The following TTC8 variants were observed in gnomAD, a reference collection of about 807,000 sequenced individuals.
The protein encoded by TTC8 is tetratricopeptide repeat protein 8.
TTC8 carries 47 observed loss-of-function variants against 72.5 expected under a neutral mutation model. That is an observed-to-expected ratio of 0.65 (90% confidence interval 0.51 to 0.83). The LOEUF is 0.83. Among genes scored for constraint, TTC8 ranks in the 40% least tolerant of loss-of-function variants. The probability of loss-of-function intolerance (pLI) is 0.00; values close to 1 mark genes in which losing one functional copy is unlikely to be tolerated. For synonymous variants in TTC8, 199 were observed against 221.4 expected, an observed-to-expected ratio of 0.90 and a Z score of 0.90; for missense variants, 611 against 623.2, an observed-to-expected ratio of 0.98 and a Z score of 0.21.
intron 7 of TTC8, 38 bp downstream of exon 7, chr14:88,843,888 T>C (rs1252807654): frequency 1.4e-6 from 2 of 1,426,760 alleles, no homozygotes; most frequent in East Asian, 4.7e-5. Context: ...TTTATTGTAA[T>C]TTTTCTGACT....
intron 10 of TTC8, among the ~76,000 whole-genome samples, chr14:88,865,862 A>T (rs568492523): frequency 3.3e-5 from 5 of 152,196 alleles, no homozygotes; most frequent in Admixed American, 6.5e-5. Flanking sequence ...GAACTAGTAA[A>T]ATTTAAACAA....
chr14:88,845,819 AACAG>A (rs774866960), intron 7 of TTC8, among the ~76,000 whole-genome samples: 15 of 152,216 alleles, frequency 9.9e-5, no homozygotes, highest in Non-Finnish European at 2.1e-4. Flanking sequence ...CACACAGTGA[AACAG>A]ACAGACAAAG....
At chr14:88,870,513 C>T (rs577751530) in intron 11 of TTC8, among the ~76,000 whole-genome samples, 17 of 152,198 alleles carry the variant, frequency 1.1e-4, no homozygotes, top group Non-Finnish European at 2.1e-4. Context: ...TCATTGCCTC[C>T]GTTAATACCA....
chr14:88,850,750 CA>C, intron 7 of TTC8, among the ~76,000 whole-genome samples: 1 of 152,258 alleles, frequency 6.6e-6, no homozygotes, highest in African/African-American at 2.4e-5. Context: ...ACAGAAAAAC[CA>C]AATTCTGTCA....
intron 10 of TTC8, among the ~76,000 whole-genome samples, chr14:88,867,663 C>T (rs527279083): frequency 1.1e-4 from 16 of 152,256 alleles, no homozygotes; most frequent in East Asian, 5.8e-4. Flanking sequence ...AACCTACATA[C>T]GAGGTTGTCA....
chr14:88,870,094 C>T lies in TTC8; in HGVS notation c.945C>T (p.Tyr315=), dbSNP rs761368781. ...ATATGTCATCAGCAGCAGAATATTA[C>T]AAAGAAGTTTTGAAACAAGACAATA... is the stretch of plus-strand genomic sequence containing the variant. ...MNNMSSAAEY[Y]KEVLKQDNTH... is the part of the protein sequence containing the mutation. Residue 315 remains tyrosine (Y), a synonymous_variant, in exon 11 of 15, where the codon TAC becomes TAT. Coordinates refer to ENST00000380656, the MANE Select transcript of TTC8 (RefSeq NM_144596.4). The T allele has an allele frequency of 1.9e-6, 3 of 1,613,938 alleles. No individual in the cohort carries two copies. Among genetic ancestry groups the T allele is most frequent in the Non-Finnish European group, 2.5e-6 (3 of 1,179,910 alleles).
chr14:88,855,070 C>G (rs1251399963), intron 8 of TTC8, among the ~76,000 whole-genome samples: 1 of 152,108 alleles, frequency 6.6e-6, no homozygotes, highest in Non-Finnish European at 1.5e-5. Context: ...TATGTACTTA[C>G]GTTCATGGTT....
At chr14:88,853,151 A>C in intron 8 of TTC8, 95 bp downstream of exon 8, 1 of 856,736 alleles carries the variant, frequency 1.2e-6, no homozygotes, top group East Asian at 2.7e-5. Context: ...TTTCCCATGA[A>C]GAAATGAGAA....
intron 2 of TTC8, among the ~76,000 whole-genome samples, chr14:88,836,447 CACCACT>C (rs1014875546): frequency 6.7e-6 from 1 of 149,416 alleles, no homozygotes; most frequent in African/African-American, 2.5e-5. Context: ...GTTGAGGCTG[CACCACT>C]ACATTCCAGC....
intron 10 of TTC8, among the ~76,000 whole-genome samples, chr14:88,863,005 T>C (rs1329609823): frequency 7.3e-6 from 1 of 137,316 alleles, no homozygotes; most frequent in African/African-American, 2.7e-5. Flanking sequence ...ATTGTAGGAT[T>C]GGCCTATCAA....
At chr14:88,870,266 G>A in intron 11 of TTC8, 68 bp downstream of exon 11, 1 of 1,540,798 alleles carries the variant, frequency 6.5e-7, no homozygotes, top group Non-Finnish European at 9.0e-7. Flanking sequence ...AAGAAAGATG[G>A]AATGAAAGTA....
downstream of TTC8, chr14:88,880,218 C>A (rs1182633935): frequency 6.6e-6 from 1 of 152,086 alleles, no homozygotes; most frequent in Non-Finnish European, 1.5e-5. Flanking sequence ...TTGCAGAGTT[C>A]CAAAATGGTC....
intron 10 of TTC8, among the ~76,000 whole-genome samples, chr14:88,866,548 A>G (rs2094910564): frequency 6.6e-6 from 1 of 152,108 alleles, no homozygotes. Flanking sequence ...CTCTCTGTGA[A>G]AGTAAAATCA....
At position 88,858,868 on chromosome 14, in the gene TTC8, C is replaced by T. The variant is rs111686605; in HGVS notation, c.798+1591C>T. ...CCTCTGGCCTCAGCCTACCAAAGTG[C>T]TAGAATTACAGGTGTGAGCCATCAT... On this transcript the variant is annotated intron_variant, in intron 9 of 14. Transcript: ENST00000380656. 2.4e-3 allele frequency among the ~76,000 whole-genome samples: 353 copies of T among 146,208 alleles called. 4 individuals are homozygous for T. The highest frequency in any genetic ancestry group is 4.3e-3 in the Non-Finnish European group (288 of 67,488).
intron 13 of TTC8, among the ~76,000 whole-genome samples, chr14:88,873,716 T>C (rs192037484): frequency 9.2e-5 from 14 of 152,318 alleles, no homozygotes; most frequent in Middle Eastern, 3.4e-3. Context: ...ATAAATTGTA[T>C]TATTATAATG....
At chr14:88,863,781 C>A (rs1320957682) in intron 10 of TTC8, among the ~76,000 whole-genome samples, 1 of 152,126 alleles carries the variant, frequency 6.6e-6, no homozygotes, top group Admixed American at 6.5e-5. Context: ...CTTCTATTTT[C>A]TATTTGATTA....
At chr14:88,869,802 T>C (rs2094926122) in intron 10 of TTC8, among the ~76,000 whole-genome samples, 1 of 152,104 alleles carries the variant, frequency 6.6e-6, no homozygotes, top group Non-Finnish European at 1.5e-5. Context: ...TCTCTCTCCT[T>C]CTCTGTTTCT....
intron 7 of TTC8, among the ~76,000 whole-genome samples, chr14:88,849,464 ACCT>A (rs2094823528): frequency 6.6e-6 from 1 of 152,222 alleles, no homozygotes; most frequent in Non-Finnish European, 1.5e-5. Flanking sequence ...ATATTTAGAT[ACCT>A]TGGGTGGCCT....
chr14:88,826,792 A>T (rs2140948889), intron 1 of TTC8, among the ~76,000 whole-genome samples: 1 of 152,244 alleles, frequency 6.6e-6, no homozygotes, highest in South Asian at 2.1e-4. Flanking sequence ...TAATTTTTCC[A>T]TTGAGTTACG....
Sources: allele counts gnomAD v4.1 joint callset (sites outside exome capture counted in the v4.1 genomes callset), GRCh38; gene constraint gnomAD v4.1.1; transcripts MANE v1.5; gene names NCBI Gene and HGNC (gene_info 2026-07-23, HGNC 2026-07-21).